The following ATRN variants were observed in gnomAD, a reference collection of about 807,000 sequenced individuals.
ATRN encodes the protein attractin.
In ATRN, 54 loss-of-function variants were observed where a neutral mutation model predicts 178.7. The ratio of observed to expected loss-of-function variants is 0.30; its 90% CI spans 0.24 to 0.38. The LOEUF is 0.38. Ranked by LOEUF, ATRN falls within the 10% of genes least tolerant of loss-of-function variation. ATRN has a pLI of 1.00. For synonymous variants in ATRN, 636 were observed against 663.0 expected, an observed-to-expected ratio of 0.96 and a Z score of 0.63; for missense variants, 1,443 against 1,815.1, an observed-to-expected ratio of 0.79 and a Z score of 3.73.
At position 3,471,422 on chromosome 20, in the gene ATRN, T is replaced by C. The variant is rs1055489991; in HGVS notation, c.315T>C (p.Cys105=). The change falls in exon 1 of 29, where the codon TGT becomes TGC. Residue 105 remains cysteine, a synonymous_variant. Transcript: ENST00000262919. Reference sequence around the variant, plus strand: ...AGGCCAAGGAATGTGACCGGCCCTGTGTCAACGGCGGTCGCTGCAACCCTG... The same window carrying C: ...AGGCCAAGGAATGTGACCGGCCCTGCGTCAACGGCGGTCGCTGCAACCCTG... ...AAEAKECDRP[C]VNGGRCNPGT... 2 of 1,474,656 alleles carry C rather than the reference T, an allele frequency of 1.4e-6. No individual in the cohort carries two copies. The highest frequency in any genetic ancestry group is 1.5e-5 in the African/African-American group (1 of 67,780). The allele number at this position is 1,474,656 out of a possible 1,614,324, so 91.3% of individuals were successfully genotyped here. A position where few individuals can be genotyped will look rare whatever the true frequency, so the allele number is the denominator to read the frequency against.
Position 3,471,129 on chromosome 20 carries a change from A to G in ATRN, c.22A>G (p.Thr8Ala). Residue 8 changes from threonine to alanine, a missense_variant, in exon 1 of 29, where the codon ACT becomes GCT. Thr to Ala is a moderately conservative substitution (Grantham distance 58, BLOSUM62 0). Around this residue, in one of 4 missense-constraint regions of ATRN, gnomAD observed 862 missense variants for 972.1 expected, o/e 0.89. Transcript: ENST00000262919. ...GAAGATGGTGGCTGCAGCGGCGGCA[A>G]CTGAGGCAAGGCTGAGGAGGAGGAC... MVAAAAA[T>A]EARLRRRTAA... is the part of the protein sequence containing the mutation. 3 of 1,511,754 alleles carry G rather than the reference A, an allele frequency of 2.0e-6. No individual in the cohort carries two copies. Among genetic ancestry groups the G allele is most frequent in the Non-Finnish European group, 2.6e-6 (3 of 1,136,648 alleles). 93.6% of individuals were successfully genotyped at this position (1,511,754 alleles called of 1,614,324 possible).
intron 27 of ATRN, among the ~76,000 whole-genome samples, chr20:3,642,601 A>G (rs1038286137): frequency 1.3e-5 from 2 of 151,976 alleles, no homozygotes; most frequent in South Asian, 4.1e-4. Context: ...GGATTCTTGC[A>G]GTTACTTCAT....
chr20:3,625,892 T>G (rs2086934273), intron 25 of ATRN, among the ~76,000 whole-genome samples: 1 of 152,212 alleles, frequency 6.6e-6, no homozygotes, highest in African/African-American at 2.4e-5. Context: ...AACTTTTCTG[T>G]GAGCTCTCCT....
chr20:3,547,365 T>C lies in ATRN; in HGVS notation c.819T>C (p.Cys273=). The change falls in exon 5 of 29, where the codon TGT becomes TGC. Residue 273 remains cysteine (C), a synonymous_variant. Coordinates refer to ENST00000262919, the MANE Select transcript of ATRN (RefSeq NM_139321.3). ...GCAGCGATACTGTTGAATGTGAATG[T>C]TCTGAAAACTGGAAAGGTGAAGCAT... The part of the protein sequence containing the change: ...SNSSDTVECE[C]SENWKGEACD... 6.2e-7 allele frequency: 1 copy of C among 1,614,062 alleles called. No individual in the cohort carries two copies. The highest frequency in any genetic ancestry group is 8.5e-7 in the Non-Finnish European group (1 of 1,179,908).
At chr20:3,569,757 C>A (rs1390751597) in intron 11 of ATRN, among the ~76,000 whole-genome samples, 1 of 152,150 alleles carries the variant, frequency 6.6e-6, no homozygotes, top group African/African-American at 2.4e-5. Context: ...TAAAACACAA[C>A]CCCTATGCAG....
intron 1 of ATRN, among the ~76,000 whole-genome samples, chr20:3,488,508 GCTGCGTCTGTTAT>G (rs1568683062): frequency 1.3e-5 from 2 of 152,134 alleles, no homozygotes. Context: ...GCTCTGTAGT[GCTGCGTCTGTTAT>G]CAATCAGGTG....
rs190961173 is a variant in ATRN at position 3,582,336 on chromosome 20, A to G, written c.2746A>G (p.Ser916Gly). The G allele has an allele frequency of 6.8e-6, 11 of 1,612,216 alleles. No homozygotes were observed. The Admixed American group carries it at 1.7e-4, about 24-fold the overall frequency. ...AACCTGCATCAACCCACTCAATGGT[A>G]GTGTCTGTGAAAGGCCTGGTAAGTT... is the stretch of plus-strand genomic sequence containing the variant. ...AATCINPLNG[S>G]VCERPANHSA... The change falls in exon 16 of 29, where the codon AGT (serine) becomes GGT (glycine). Residue 916 changes from serine (S) to glycine (G), a missense_variant. Physicochemically the swap from Ser to Gly is moderately conservative, Grantham distance 56. Around this residue, in one of 4 missense-constraint regions of ATRN, gnomAD observed 212 missense variants for 330.7 expected, o/e 0.64. Coordinates refer to ENST00000262919, the MANE Select transcript of ATRN (RefSeq NM_139321.3).
intron 24 of ATRN, among the ~76,000 whole-genome samples, chr20:3,619,166 C>T (rs2086876798): frequency 6.6e-6 from 1 of 152,222 alleles, no homozygotes; most frequent in African/African-American, 2.4e-5. Context: ...GACTTCACCT[C>T]ACAGGGTGGC....
chr20:3,487,757 C>A (rs2084716198), intron 1 of ATRN, among the ~76,000 whole-genome samples: 1 of 152,164 alleles, frequency 6.6e-6, no homozygotes, highest in African/African-American at 2.4e-5. Flanking sequence ...GTACCTAGAA[C>A]CCAAGTGAGG....
intron 24 of ATRN, among the ~76,000 whole-genome samples, chr20:3,614,336 GAA>G (rs1052056503): frequency 6.6e-6 from 1 of 152,216 alleles, no homozygotes; most frequent in African/African-American, 2.4e-5. Context: ...TGGTTGGACA[GAA>G]AGTGTGTGAG....
intron 1 of ATRN, among the ~76,000 whole-genome samples, chr20:3,480,203 C>A (rs998174958): frequency 6.6e-6 from 1 of 152,208 alleles, no homozygotes; most frequent in Non-Finnish European, 1.5e-5. Flanking sequence ...TCAGGGCATT[C>A]CAGTTTCTGG....
At chr20:3,578,025 T>C (rs975211783) in intron 14 of ATRN, among the ~76,000 whole-genome samples, 12 of 152,218 alleles carry the variant, frequency 7.9e-5, no homozygotes, top group South Asian at 2.1e-4. Context: ...AGGTAGCAGA[T>C]TACAAGCTTG....
chr20:3,471,078 T>C lies in ATRN; in HGVS notation c.-30T>C, dbSNP rs1360339959. 27 of 1,505,178 alleles carry C rather than the reference T, an allele frequency of 1.8e-5. No homozygotes were observed. The highest frequency in any genetic ancestry group is 2.4e-5 in the Non-Finnish European group (27 of 1,133,554). 93.2% of individuals were successfully genotyped at this position (1,505,178 alleles called of 1,614,324 possible). On this transcript the variant is annotated 5_prime_UTR_variant, in exon 1 of 29. Transcript: ENST00000262919. Reference sequence around the variant, plus strand: ...CGGCCGTGCGGTGTGTGTGTATGTGTTCGCGGGGCGCCGTCTCAGCCCCGG... The same window carrying C: ...CGGCCGTGCGGTGTGTGTGTATGTGCTCGCGGGGCGCCGTCTCAGCCCCGG...
At chr20:3,601,236 C>T (rs889580596) in intron 23 of ATRN, among the ~76,000 whole-genome samples, 1 of 152,124 alleles carries the variant, frequency 6.6e-6, no homozygotes, top group African/African-American at 2.4e-5. Flanking sequence ...ATGATACTTA[C>T]CTCTTAGAAT....
intron 24 of ATRN, among the ~76,000 whole-genome samples, chr20:3,622,390 C>G (rs2086903300): frequency 6.6e-6 from 1 of 152,220 alleles, no homozygotes; most frequent in Non-Finnish European, 1.5e-5. Context: ...CCACTAAAAT[C>G]TTGTCTTTTA....
In ATRN at chr20:3,562,254, T is replaced by TC. The variant is rs753896417; in HGVS notation, c.1448-22_1448-21insC. ...AGAGGAGGAGCCTGCCATGCTTGCC[T>TC]TTAACTGTCTTTCCTTTCCAGATAA... On this transcript the variant is annotated intron_variant, in intron 8 of 28. Transcript: ENST00000262919. 13 of 1,599,756 alleles carry TC rather than the reference T, an allele frequency of 8.1e-6. No individual in the cohort carries two copies. In the African/African-American group the frequency reaches 1.6e-4, roughly 20 times the overall value.
At chr20:3,473,679 A>G (rs867492919) in intron 1 of ATRN, among the ~76,000 whole-genome samples, 5 of 152,308 alleles carry the variant, frequency 3.3e-5, no homozygotes, top group Middle Eastern at 3.4e-3. Flanking sequence ...GTTGAGTCAG[A>G]CGAGGATCCT....
At chr20:3,507,694 A>ATTTT (rs55823401) in intron 1 of ATRN, among the ~76,000 whole-genome samples, 9 of 114,708 alleles carry the variant, frequency 7.8e-5, no homozygotes, top group East Asian at 2.4e-4. Flanking sequence ...AGTTAAAAAT[A>ATTTT]TTTTTTTTTT....
intron 3 of ATRN, among the ~76,000 whole-genome samples, chr20:3,545,385 CA>C (rs1205186898): frequency 1.4e-5 from 2 of 144,646 alleles, no homozygotes; most frequent in African/African-American, 5.0e-5. Context: ...AAAAAAACAA[CA>C]AAAACCTCAT....
Sources: gnomAD v4.1 joint callset for allele counts (sites outside exome capture counted in the v4.1 genomes callset) on GRCh38, gnomAD v4.1.1 for gene constraint, gnomAD v4.1.1 regional missense constraint, MANE v1.5 for transcripts, NCBI Gene and HGNC (gene_info 2026-07-23, HGNC 2026-07-21) for gene names.